LAMA2: variants seen among roughly 807,000 people sequenced by gnomAD.
LAMA2 encodes the protein laminin subunit alpha-2.
LAMA2 carries 269 observed loss-of-function variants against 364.8 expected under a neutral mutation model. That is an observed-to-expected ratio of 0.74 (90% CI 0.67 to 0.82). The LOEUF (loss-of-function observed/expected upper bound fraction) is 0.82, where lower values mean the gene tolerates loss of function less well. Among genes scored for constraint, LAMA2 ranks in the 40% least tolerant of loss-of-function variants. The pLI, the probability that LAMA2 is intolerant of heterozygous loss-of-function variation, is 0.00. For missense variants in LAMA2, 3,807 were observed against 3,873.2 expected (o/e 0.98, Z 0.45); for synonymous variants, 1,379 against 1,370.6 (o/e 1.01, Z -0.14).
At chr6:129,314,378 G>A (rs1774427760) in intron 23 of LAMA2, among the ~76,000 whole-genome samples, 1 of 112,664 alleles carries the variant, frequency 8.9e-6, no homozygotes, top group Admixed American at 1.1e-4. Flanking sequence ...TGGCCTGGGC[G>A]AAAGAGCGAG....
At chr6:129,390,084 C>A (rs138945312) in intron 35 of LAMA2, among the ~76,000 whole-genome samples, 71 of 151,954 alleles carry the variant, frequency 4.7e-4, no homozygotes, top group African/African-American at 1.7e-3. Flanking sequence ...ACATATATAA[C>A]GAAAAAAGAA....
Position 129,253,831 on chromosome 6 carries a change from C to T in LAMA2, c.2096+1536C>T, listed in dbSNP as rs546916399. On this transcript the variant is annotated intron_variant, in intron 14 of 64. Transcript: ENST00000421865. ...TTTCATTTGCAGTCTTCTGAGGTTT[C>T]GCCATACAGGAGGAATGCATTCACA... Among the ~76,000 whole-genome samples, 21 of 152,252 alleles carry T rather than the reference C, an allele frequency of 1.4e-4. No homozygotes were observed. The East Asian group carries it at 3.1e-3, about 22-fold the overall frequency.
intron 12 of LAMA2, among the ~76,000 whole-genome samples, chr6:129,208,251 C>A (rs1204683442): frequency 6.6e-6 from 1 of 152,068 alleles, no homozygotes; most frequent in Non-Finnish European, 1.5e-5. Context: ...GACACTGTTT[C>A]TTAATGTATA....
intron 58 of LAMA2, among the ~76,000 whole-genome samples, chr6:129,496,101 T>C (rs1052772831): frequency 1.3e-5 from 2 of 152,190 alleles, no homozygotes; most frequent in Non-Finnish European, 2.9e-5. Flanking sequence ...ACATGAGCGA[T>C]AGTTGGCACT....
intron 49 of LAMA2, among the ~76,000 whole-genome samples, chr6:129,461,501 C>A (rs772147916): frequency 1.2e-4 from 18 of 151,974 alleles, no homozygotes; most frequent in Non-Finnish European, 1.8e-4. Flanking sequence ...CTGTAAAATT[C>A]TTTCAATACA....
chr6:129,276,772 A>G lies in LAMA2; in HGVS notation c.2451-3289A>G, dbSNP rs548365459. ...ATTTTGAATTCTAAATACACCCTTA[A>G]GTTTATCTTTTTTTTAGTATTTTTT... On this transcript the variant is annotated intron_variant, in intron 17 of 64. Coordinates refer to ENST00000421865, the MANE Select transcript of LAMA2 (RefSeq NM_000426.4). Among the ~76,000 whole-genome samples the G allele has an allele frequency of 2.0e-5, 3 of 151,982 alleles. No individual in the cohort carries two copies. The East Asian group carries it at 5.8e-4, about 29-fold the overall frequency.
intron 1 of LAMA2, among the ~76,000 whole-genome samples, chr6:128,964,856 G>A (rs2081847210): frequency 6.6e-6 from 1 of 151,966 alleles, no homozygotes; most frequent in African/African-American, 2.4e-5. Context: ...GGTAGGTTTG[G>A]GTTGCTGGGT....
At chr6:129,398,472 C>CTTTTTTTTTTTTTTTTTTT (rs71028159) in intron 37 of LAMA2, among the ~76,000 whole-genome samples, 1 of 110,552 alleles carries the variant, frequency 9.0e-6, no homozygotes, top group East Asian at 2.6e-4. Flanking sequence ...CTTTTCTTTT[C>CTTTTTTTTTTTTTTTTTTT]TTTTTTTTTT....
chr6:129,096,146 T>G (rs1049685572), intron 3 of LAMA2, among the ~76,000 whole-genome samples: 2 of 152,222 alleles, frequency 1.3e-5, no homozygotes, highest in Non-Finnish European at 2.9e-5. Context: ...ATAAAGACAT[T>G]CTACGTGATG....
At chr6:129,211,754 GT>G (rs1025246024) in intron 12 of LAMA2, among the ~76,000 whole-genome samples, 6 of 152,172 alleles carry the variant, frequency 3.9e-5, no homozygotes, top group African/African-American at 1.2e-4. Context: ...CTCTGGCTGA[GT>G]TAGGCCTTCT....
intron 15 of LAMA2, among the ~76,000 whole-genome samples, chr6:129,262,038 GT>G (rs1787172784): frequency 6.6e-6 from 1 of 151,944 alleles, no homozygotes; most frequent in Non-Finnish European, 1.5e-5. Context: ...TTCTACTCTT[GT>G]TTTAAGGCTT....
At chr6:129,015,619 G>T (rs1785020048) in intron 1 of LAMA2, among the ~76,000 whole-genome samples, 1 of 151,840 alleles carries the variant, frequency 6.6e-6, no homozygotes, top group Non-Finnish European at 1.5e-5. Flanking sequence ...TTGTTACTTT[G>T]GTACGAATGT....
chr6:129,175,239 A>C (rs1260710979), intron 9 of LAMA2, among the ~76,000 whole-genome samples: 1 of 152,180 alleles, frequency 6.6e-6, no homozygotes, highest in Non-Finnish European at 1.5e-5. Flanking sequence ...TTCATAAGTT[A>C]ATTGCCTGTG....
intron 1 of LAMA2, among the ~76,000 whole-genome samples, chr6:129,041,582 G>A (rs987605424): frequency 2.0e-5 from 3 of 152,168 alleles, no homozygotes; most frequent in Non-Finnish European, 4.4e-5. Flanking sequence ...TCCAAAGAAT[G>A]AGATAAATCT....
At chr6:129,502,221 A>G (rs557087839) in intron 58 of LAMA2, among the ~76,000 whole-genome samples, 2 of 152,306 alleles carry the variant, frequency 1.3e-5, no homozygotes, top group Admixed American at 6.5e-5. Context: ...AAAAAGTAAT[A>G]TAGTGGGAGA....
intron 9 of LAMA2, among the ~76,000 whole-genome samples, chr6:129,166,321 G>T (rs544100315): frequency 1.3e-5 from 2 of 152,238 alleles, no homozygotes; most frequent in East Asian, 1.9e-4. Flanking sequence ...GCAGTTGCTC[G>T]CCAAGTTTAA....
intron 1 of LAMA2, among the ~76,000 whole-genome samples, chr6:128,989,918 AG>A (rs1465723324): frequency 2.0e-5 from 3 of 152,166 alleles, no homozygotes; most frequent in African/African-American, 7.2e-5. Flanking sequence ...GCATGATGAA[AG>A]GGAGCAAGAG....
At chr6:129,411,112 C>T (rs181434075) in intron 40 of LAMA2, among the ~76,000 whole-genome samples, 52 of 152,244 alleles carry the variant, frequency 3.4e-4, no homozygotes, top group African/African-American at 1.1e-3. Flanking sequence ...CAGACACACC[C>T]GGAAATAATG....
Position 129,440,821 on chromosome 6 carries a change from G to A in LAMA2, c.6091G>A (p.Ala2031Thr). Reference protein sequence around the residue: ...GKLSAIPNDTAAKLQAVKDKA... With the variant: ...GKLSAIPNDTTAKLQAVKDKA... ...ATACCCTCATCTGCTGACAGATACA[G>A]CTGCTAAACTGCAAGCTGTTAAGGA... The change falls in exon 43 of 65, where the codon GCT becomes ACT. Residue 2031 changes from alanine (A) to threonine (T), a missense_variant. Around this residue, in one of 3 missense-constraint regions of LAMA2, gnomAD observed 3,333 missense variants for 3,345.7 expected, o/e 1.00. Coordinates refer to ENST00000421865, the MANE Select transcript of LAMA2 (RefSeq NM_000426.4). 6.2e-7 allele frequency: 1 copy of A among 1,613,736 alleles called. No homozygotes were observed.
Sources: gnomAD v4.1 joint callset for allele counts (sites outside exome capture counted in the v4.1 genomes callset) on GRCh38, gnomAD v4.1.1 for gene constraint, gnomAD v4.1.1 regional missense constraint, MANE v1.5 for transcripts, NCBI Gene and HGNC (gene_info 2026-07-23, HGNC 2026-07-21) for gene names.